Variants in WDR27 observed in about 807,000 individuals in gnomAD.
The protein encoded by WDR27 is WD repeat domain 27.
WDR27 carries 100 observed loss-of-function variants against 114.4 expected under a neutral mutation model. The observed-to-expected ratio is 0.87, with a 90% CI of 0.74 to 1.03. The LOEUF is 1.03. Among genes scored for constraint, WDR27 ranks in the 50% least tolerant of loss-of-function variants. The pLI is 0.00. For missense variants in WDR27, 1,129 were observed against 1,092.9 expected (o/e 1.03, Z -0.47); for synonymous variants, 449 against 423.1 (o/e 1.06, Z -0.75).
At chr6:169,692,260 G>C (rs1231432526) in intron 1 of WDR27, among the ~76,000 whole-genome samples, 1 of 152,218 alleles carries the variant, frequency 6.6e-6, no homozygotes, top group Non-Finnish European at 1.5e-5. Context: ...TATCTCATAG[G>C]GGTCCTCCCT....
chr6:169,630,249 T>C (rs2128212900), intron 21 of WDR27, among the ~76,000 whole-genome samples: 1 of 152,364 alleles, frequency 6.6e-6, no homozygotes, highest in East Asian at 1.9e-4. Context: ...CTCTGAAATC[T>C]ACATGCTGAC....
At chr6:169,554,599 C>T (rs777535886) in intron 25 of WDR27, among the ~76,000 whole-genome samples, 45 of 152,190 alleles carry the variant, frequency 3.0e-4, no homozygotes, top group Non-Finnish European at 4.1e-4. Context: ...CCCAAACTTT[C>T]GGAGCTGCAA....
intron 25 of WDR27, among the ~76,000 whole-genome samples, chr6:169,487,651 T>C (rs1789117613): frequency 2.0e-5 from 3 of 152,180 alleles, no homozygotes; most frequent in African/African-American, 7.2e-5. Context: ...CCTGCACGAA[T>C]ATGGCCAAGA....
At chr6:169,602,903 A>G (rs2494682) in intron 22 of WDR27, among the ~76,000 whole-genome samples, 142,346 of 151,446 alleles carry the variant, frequency 0.94, 66,942 homozygotes, top group East Asian at 0.99. Flanking sequence ...GTGCAGTGGC[A>G]TGATCTAGGC....
At chr6:169,470,448 T>C (rs1786212988) in intron 25 of WDR27, among the ~76,000 whole-genome samples, 1 of 152,218 alleles carries the variant, frequency 6.6e-6, no homozygotes, top group Non-Finnish European at 1.5e-5. Flanking sequence ...AAATCTGTCT[T>C]AGTTCAAGCT....
the WDR27 span, among the ~76,000 whole-genome samples, chr6:169,438,175 T>C: frequency 6.6e-6 from 1 of 152,162 alleles, no homozygotes; most frequent in Non-Finnish European, 1.5e-5. Context: ...TGGCTTTTCT[T>C]GATGTGTCTA....
rs191345141 is a variant in WDR27, at chr6:169,647,769, G to A, written c.1657+4C>T. 2.6e-4 allele frequency: 402 copies of A among 1,572,016 alleles called. No homozygotes were observed. Among genetic ancestry groups the A allele is most frequent in the Admixed American group, 7.8e-4 (42 of 54,020 alleles). On this transcript the variant is annotated splice_donor_region_variant and intron_variant, in intron 16 of 25. Transcript: ENST00000448612. ...CTACCCAGCTCCCGCAGGACGTGGC[G>A]CACCTGAGTACTGGATGCAGCATAC...
At chr6:169,634,805 C>T (rs569046638) in intron 19 of WDR27, among the ~76,000 whole-genome samples, 1 of 152,316 alleles carries the variant, frequency 6.6e-6, no homozygotes, top group South Asian at 2.1e-4. Context: ...ATGCACCAGC[C>T]TTTTTCTATA....
chr6:169,603,579 T>C (rs1487793146), intron 22 of WDR27, among the ~76,000 whole-genome samples: 6 of 152,220 alleles, frequency 3.9e-5, no homozygotes, highest in Non-Finnish European at 5.9e-5. Context: ...CAGCTTTATA[T>C]CCTGCTATGT....
chr6:169,554,003 G>A (rs773042652), intron 25 of WDR27, among the ~76,000 whole-genome samples: 10 of 152,158 alleles, frequency 6.6e-5, no homozygotes, highest in Admixed American at 1.3e-4. Flanking sequence ...ATTATTCTTT[G>A]TAATCTTTTA....
chr6:169,501,580 C>T (rs749903657), intron 25 of WDR27, among the ~76,000 whole-genome samples: 2 of 152,230 alleles, frequency 1.3e-5, no homozygotes, highest in Non-Finnish European at 2.9e-5. Context: ...TTTGAACCAG[C>T]AGTAGCTAAA....
chr6:169,664,524 C>T, intron 7 of WDR27: 1 of 1,382,968 alleles, frequency 7.2e-7, no homozygotes. Flanking sequence ...GGCACATGGG[C>T]AGGATCCTAC....
Position 169,668,070 on chromosome 6 carries a change from T to A in WDR27, c.572A>T (p.Gln191Leu), listed in dbSNP as rs981993980. 3 of 1,613,938 alleles carry A rather than the reference T, an allele frequency of 1.9e-6. No individual in the cohort carries two copies. The part of the protein sequence containing the change: ...SQTQAVRAEL[Q>L]GHLGPVTAVE... ...CGCAGTCACCGGGCCCAGGTGGCCC[T>A]GCAGCTCGGCCCGAACAGCCTGAGT... is the stretch of plus-strand genomic sequence containing the variant. Residue 191 changes from glutamine (Q) to leucine (L), a missense_variant, in exon 5 of 26, where the codon CAG becomes CTG. Coordinates refer to ENST00000448612, the MANE Select transcript of WDR27 (RefSeq NM_182552.5).
At chr6:169,519,544 T>C (rs1418945194) in intron 25 of WDR27, among the ~76,000 whole-genome samples, 1 of 151,814 alleles carries the variant, frequency 6.6e-6, no homozygotes, top group Admixed American at 6.6e-5. Context: ...GCCATATACT[T>C]AAACAACCAG....
intron 2 of WDR27, among the ~76,000 whole-genome samples, chr6:169,675,420 CA>C (rs1258024508): frequency 7.2e-5 from 11 of 152,088 alleles, no homozygotes; most frequent in African/African-American, 2.2e-4. Flanking sequence ...CTTGTGTCGA[CA>C]AAAGAGTCGA....
chr6:169,488,467 T>C (rs559209464), intron 25 of WDR27, among the ~76,000 whole-genome samples: 3 of 152,330 alleles, frequency 2.0e-5, no homozygotes, highest in East Asian at 3.9e-4. Context: ...TCTTCTAGCA[T>C]GATAATGAGC....
chr6:169,599,147 C>T (rs1226914465), intron 23 of WDR27, among the ~76,000 whole-genome samples: 1 of 149,972 alleles, frequency 6.7e-6, no homozygotes, highest in East Asian at 2.0e-4. Flanking sequence ...CCTCCCCCCA[C>T]ACCACAACAG....
intron 3 of WDR27, chr6:169,671,061 G>A (rs1430949250): frequency 6.0e-6 from 1 of 167,472 alleles, no homozygotes; most frequent in African/African-American, 2.4e-5. Flanking sequence ...AACATTGATT[G>A]GAAGGAAAGG....
At chr6:169,611,622 T>C (rs1488161899) in intron 22 of WDR27, among the ~76,000 whole-genome samples, 3 of 152,208 alleles carry the variant, frequency 2.0e-5, no homozygotes, top group Non-Finnish European at 4.4e-5. Context: ...TACAAAAATA[T>C]TTTATTTCTT....
Sources: allele counts gnomAD v4.1 joint callset (sites outside exome capture counted in the v4.1 genomes callset), GRCh38; gene constraint gnomAD v4.1.1; transcripts MANE v1.5; gene names NCBI Gene and HGNC (gene_info 2026-07-23, HGNC 2026-07-21).